CATSPER1: variants seen among roughly 807,000 people sequenced by gnomAD.
The protein encoded by CATSPER1 is cation channel sperm-associated protein 1.
A neutral mutation model predicts 72.7 loss-of-function variants in CATSPER1; 57 were observed. That is an observed-to-expected ratio of 0.78 (90% CI 0.63 to 0.98). The LOEUF is 0.98. CATSPER1 is among the 50% of genes least tolerant of loss of function. The pLI is 0.00. For missense variants in CATSPER1, 910 were observed against 1,033.9 expected, an observed-to-expected ratio of 0.88 and a Z score of 1.64; for synonymous variants, 363 against 403.0, an observed-to-expected ratio of 0.90 and a Z score of 1.19.
chr11:66,022,834 C>T lies in CATSPER1; in HGVS notation c.1429+15G>A. On this transcript the variant is annotated intron_variant, in intron 2 of 11. Coordinates refer to ENST00000312106, the MANE Select transcript of CATSPER1 (RefSeq NM_053054.4). ...CGGTGGCTTCTCCATGGGAACAGGA[C>T]TCCCTGGCTCTTACCGCCCCGGATC... 1.2e-6 allele frequency: 2 copies of T among 1,613,936 alleles called. No individual in the cohort carries two copies. The highest frequency in any genetic ancestry group is 2.2e-5 in the East Asian group (1 of 44,884).
At position 66,025,324 on chromosome 11, in the gene CATSPER1, G is replaced by C; in HGVS notation, c.1056C>G (p.His352Gln). ...AASRTGVFPY[H>Q]VAHPRGSAHS... Reference sequence around the variant, plus strand: ...GAGCCGAGCCCCGTGGGTGTGCTACGTGATAGGGGAAGACTCCTGTACGAG... The same window carrying C: ...GAGCCGAGCCCCGTGGGTGTGCTACCTGATAGGGGAAGACTCCTGTACGAG... Residue 352 changes from histidine to glutamine, a missense_variant, in exon 1 of 12, where the codon CAC becomes CAG. By Grantham distance (24) the His-to-Gln change is conservative. Coordinates refer to ENST00000312106, the MANE Select transcript of CATSPER1 (RefSeq NM_053054.4). 1.2e-6 allele frequency: 2 copies of C among 1,614,204 alleles called. No individual in the cohort carries two copies. The highest frequency in any genetic ancestry group is 1.7e-6 in the Non-Finnish European group (2 of 1,180,022).
intron 1 of CATSPER1, among the ~76,000 whole-genome samples, 178 bp downstream of exon 1, chr11:66,024,986 A>G (rs1439250435): frequency 6.6e-6 from 1 of 152,244 alleles, no homozygotes; most frequent in Admixed American, 6.5e-5. Flanking sequence ...AAAGAGGTAC[A>G]TAATTCAAGG....
At chr11:66,024,547 TGA>T (rs1856453658) in intron 1 of CATSPER1, among the ~76,000 whole-genome samples, 1 of 152,216 alleles carries the variant, frequency 6.6e-6, no homozygotes, top group Admixed American at 6.5e-5. Context: ...CCCAAAGTGC[TGA>T]GATTACAGGC....
At position 66,017,193 on chromosome 11, in the gene CATSPER1, G is replaced by GGGGGGCC; in HGVS notation, c.2202-20_2202-19insGGCCCCC. ...CTGCTGCCTGCGGGTGGGCGGGGGG[G>GGGGGGCC]TCGCAGAGACAGGGGCTGGGCTGAC... On this transcript the variant is annotated intron_variant, in intron 10 of 11. Coordinates refer to ENST00000312106, the MANE Select transcript of CATSPER1 (RefSeq NM_053054.4). The GGGGGGCC allele has an allele frequency of 1.0e-5, 5 of 493,746 alleles. No individual in the cohort carries two copies. Among genetic ancestry groups the GGGGGGCC allele is most frequent in the Non-Finnish European group, 2.0e-5 (5 of 252,570 alleles). The allele number at this position is 493,746 out of a possible 1,614,324, so 30.6% of individuals were successfully genotyped here.
Position 66,020,283 on chromosome 11 carries a change from T to C in CATSPER1, c.2064+34A>G. On this transcript the variant is annotated intron_variant, in intron 8 of 11. Coordinates refer to ENST00000312106, the MANE Select transcript of CATSPER1 (RefSeq NM_053054.4). The surrounding 1 kb of genome is among the most constrained non-coding windows in gnomAD (Gnocchi z 4.5). ...CCCTGGCCTCACTCCTCCAGCTTCC[T>C]GATCTGGTCCACCTGTCCCACCCCA... 1 of 1,614,050 alleles carries C rather than the reference T, an allele frequency of 6.2e-7. No individual in the cohort carries two copies. The highest frequency in any genetic ancestry group is 1.1e-5 in the South Asian group (1 of 91,084).
rs768249138 is a variant in CATSPER1 at position 66,020,675 on chromosome 11, C to A, written c.1928-48G>T. Reference sequence around the variant, plus strand: ...CACAGTCAGGCTGTGCTCGCCACCCCCAACCACGACCTGCTCCCTTCCCAT... The same window carrying A: ...CACAGTCAGGCTGTGCTCGCCACCCACAACCACGACCTGCTCCCTTCCCAT... On this transcript the variant is annotated intron_variant, in intron 6 of 11. Transcript: ENST00000312106. This position sits in a 1 kb window ranked among gnomAD's most constrained non-coding sequence, Gnocchi z 4.5. 6.3e-7 allele frequency: 1 copy of A among 1,596,908 alleles called. No individual in the cohort carries two copies. The highest frequency in any genetic ancestry group is 1.3e-5 in the African/African-American group (1 of 74,636).
At chr11:66,023,769 C>G (rs1406960706) in intron 1 of CATSPER1, among the ~76,000 whole-genome samples, 2 of 151,824 alleles carry the variant, frequency 1.3e-5, no homozygotes, top group South Asian at 4.1e-4. Flanking sequence ...TGCCTCCATG[C>G]CTTTCTTTGC....
At chr11:66,022,533 G>C (rs895249644) in intron 2 of CATSPER1, among the ~76,000 whole-genome samples, 6 of 152,212 alleles carry the variant, frequency 3.9e-5, no homozygotes, top group Middle Eastern at 3.4e-3. Context: ...GGGCCTTCTC[G>C]GGCTCCCGGC....
chr11:66,020,829 T>G lies in CATSPER1; in HGVS notation c.1909A>C (p.Met637Leu). ...LTLDDWSLIY[M>L]DSRAQGAWYI... ...GCCCTACCCTGGGCACGGCTGTCCA[T>G]GTAGATGAGGGACCAGTCATCCAGC... Residue 637 changes from methionine to leucine, a missense_variant, in exon 6 of 12, where the codon ATG becomes CTG. By Grantham distance (15) the Met-to-Leu change is conservative (BLOSUM62 2). Coordinates refer to ENST00000312106, the MANE Select transcript of CATSPER1 (RefSeq NM_053054.4). The surrounding 1 kb of genome is among the most constrained non-coding windows in gnomAD (Gnocchi z 4.5). The G allele has an allele frequency of 1.2e-6, 2 of 1,613,676 alleles. No individual in the cohort carries two copies. The highest frequency in any genetic ancestry group is 2.2e-5 in the South Asian group (2 of 91,072).
chr11:66,018,978 G>T, intron 9 of CATSPER1, 76 bp from the exon 10 acceptor site: 2 of 1,256,670 alleles, frequency 1.6e-6, no homozygotes, highest in Non-Finnish European at 2.3e-6. Context: ...GTGTCAGGAA[G>T]ATAAGGGCTA....
chr11:66,023,130 C>A (rs1179713635), intron 1 of CATSPER1, 69 bp from the exon 2 acceptor site: 2 of 1,434,546 alleles, frequency 1.4e-6, no homozygotes, highest in Admixed American at 3.4e-5. Flanking sequence ...CACCCCCCAG[C>A]CTGGCTCAGC....
Position 66,026,437 on chromosome 11 carries a change from G to A in CATSPER1, c.-58C>T, listed in dbSNP as rs976588210. 96 of 1,603,330 alleles carry A rather than the reference G, an allele frequency of 6.0e-5. No homozygotes were observed. The highest frequency in any genetic ancestry group is 7.8e-5 in the Non-Finnish European group (92 of 1,179,616). On this transcript the variant is annotated 5_prime_UTR_variant, in exon 1 of 12. Transcript: ENST00000312106. ...TCAAGACCTGGGCCCAACAGGCCCC[G>A]CCTGGATTTCCCTTCTTTCCTGAGC...
intron 1 of CATSPER1, among the ~76,000 whole-genome samples, chr11:66,023,403 G>T (rs562820668): frequency 6.6e-6 from 1 of 152,156 alleles, no homozygotes; most frequent in Admixed American, 6.5e-5. Context: ...ACAGGGGTGC[G>T]CTCAGGGCTG....
chr11:66,018,802 C>T lies in CATSPER1; in HGVS notation c.2201+25G>A. 2.5e-6 allele frequency: 4 copies of T among 1,611,558 alleles called. No individual in the cohort carries two copies. The South Asian group carries it at 4.4e-5, about 18-fold the overall frequency. The stretch of plus-strand genomic sequence containing the variant: ...CCAGGCCTCACCCTCAGACCCCAGG[C>T]CTCGCTCCCTTCCTGTCTCCTCACT... On this transcript the variant is annotated intron_variant, in intron 10 of 11. Coordinates refer to ENST00000312106, the MANE Select transcript of CATSPER1 (RefSeq NM_053054.4).
In CATSPER1 at chr11:66,020,360, A is replaced by G; in HGVS notation, c.2021T>C (p.Phe674Ser). 1 of 1,614,022 alleles carries G rather than the reference A, an allele frequency of 6.2e-7. No homozygotes were observed. The highest frequency in any genetic ancestry group is 8.5e-7 in the Non-Finnish European group (1 of 1,180,016). Residue 674 changes from phenylalanine (F) to serine (S), a missense_variant, in exon 8 of 12, where the codon TTC becomes TCC. By Grantham distance (155) the Phe-to-Ser change is radical. Coordinates refer to ENST00000312106, the MANE Select transcript of CATSPER1 (RefSeq NM_053054.4). This position sits in a 1 kb window ranked among gnomAD's most constrained non-coding sequence, Gnocchi z 4.5. ...NLVITVLVDS[F>S]QTALFKGLEK... ...AAGGCCTTTGAACAGCGCCGTCTGG[A>G]AGCTATCCACCAGGACAGTAATCAC...
rs1275979167 is a variant in CATSPER1, at chr11:66,022,884, A to C, written c.1394T>G (p.Val465Gly). The change falls in exon 2 of 12, where the codon GTG (valine) becomes GGG (glycine). Residue 465 changes from valine (V) to glycine (G), a missense_variant. Physicochemically the swap from Val to Gly is moderately radical, Grantham distance 109. Transcript: ENST00000312106. ...FVVCLNTVMLVAQTFAEVEIR... is the reference protein window; with the variant it reads ...FVVCLNTVMLGAQTFAEVEIR... The stretch of plus-strand genomic sequence containing the variant: ...CTCGACTTCAGCGAAGGTCTGGGCC[A>C]CCAGCATGACGGTGTTGAGGCAGAC... The C allele has an allele frequency of 6.2e-7, 1 of 1,614,220 alleles. No individual in the cohort carries two copies. The highest frequency in any genetic ancestry group is 1.7e-5 in the Admixed American group (1 of 60,028).
Position 66,021,218 on chromosome 11 carries a change from G to A in CATSPER1, c.1692-33C>T, listed in dbSNP as rs373925688. 6.3e-6 allele frequency: 10 copies of A among 1,586,698 alleles called. No individual in the cohort carries two copies. In the East Asian group the frequency reaches 6.8e-5, roughly 11 times the overall value. ...CAGAAGGAGTGGGGACTGAGTCATCGGTGAGGGGCGGGGGTGTGTGTCTCT... is the reference window on the plus strand; with the variant it reads ...CAGAAGGAGTGGGGACTGAGTCATCAGTGAGGGGCGGGGGTGTGTGTCTCT... On this transcript the variant is annotated intron_variant, in intron 4 of 11. Coordinates refer to ENST00000312106, the MANE Select transcript of CATSPER1 (RefSeq NM_053054.4).
Position 66,023,676 on chromosome 11 carries a change from T to C in CATSPER1, c.1217-615A>G, listed in dbSNP as rs538308142. Among the ~76,000 whole-genome samples the C allele has an allele frequency of 1.0e-3, 153 of 151,964 alleles. 1 individual carries two copies. The highest frequency in any genetic ancestry group is 3.4e-3 in the Admixed American group (52 of 15,296). ...CCTGGCCAGCAAATCCCCAACAGGCTGGTCCTGTGCCTTCTGTGGCAGGGG... is the reference window on the plus strand; with the variant it reads ...CCTGGCCAGCAAATCCCCAACAGGCCGGTCCTGTGCCTTCTGTGGCAGGGG... On this transcript the variant is annotated intron_variant, in intron 1 of 11. Transcript: ENST00000312106.
At position 66,021,071 on chromosome 11, in the gene CATSPER1, C is replaced by A. The variant is rs946287037; in HGVS notation, c.1783+23G>T. 3.1e-6 allele frequency: 5 copies of A among 1,606,052 alleles called. No homozygotes were observed. The South Asian group carries it at 4.4e-5, about 14-fold the overall frequency. On this transcript the variant is annotated intron_variant, in intron 5 of 11. Transcript: ENST00000312106. ...ACCGCAGCCCCTCAGGCCCCCACCC[C>A]AGCCCCTGCAGCACCAGGATACAGA...
Sources: gnomAD v4.1 joint callset for allele counts (sites outside exome capture counted in the v4.1 genomes callset) on GRCh38, gnomAD v4.1.1 for gene constraint, Gnocchi (gnomAD v3.1) non-coding constraint, MANE v1.5 for transcripts, NCBI Gene and HGNC (gene_info 2026-07-23, HGNC 2026-07-21) for gene names.